Variants in KCNAB1 observed in about 807,000 individuals in gnomAD.
The protein encoded by KCNAB1 is potassium voltage-gated channel subfamily A regulatory beta subunit 1.
A neutral mutation model predicts 64.6 loss-of-function variants in KCNAB1; 35 were observed. That is an observed-to-expected ratio of 0.54 (90% confidence interval 0.41 to 0.72). The LOEUF (loss-of-function observed/expected upper bound fraction) is 0.72, where lower values mean the gene tolerates loss of function less well. Ranked by LOEUF, KCNAB1 falls within the 30% of genes least tolerant of loss-of-function variation. The pLI is 0.00. For missense variants in KCNAB1, 401 were observed against 512.9 expected (o/e 0.78, Z 2.11); for synonymous variants, 177 against 183.8 (o/e 0.96, Z 0.30).
chr3:156,146,435 C>T (rs1448232600), intron 1 of KCNAB1, among the ~76,000 whole-genome samples: 1 of 152,140 alleles, frequency 6.6e-6, no homozygotes, highest in African/African-American at 2.4e-5. Flanking sequence ...GGTTAAAATA[C>T]ACTGAGGAGT....
At chr3:156,237,451 T>C (rs1348361862) in intron 1 of KCNAB1, among the ~76,000 whole-genome samples, 1 of 152,172 alleles carries the variant, frequency 6.6e-6, no homozygotes, top group African/African-American at 2.4e-5. Context: ...AAGTTGCCTT[T>C]TTTTTTTGTT....
intron 8 of KCNAB1, among the ~76,000 whole-genome samples, chr3:156,497,371 A>G (rs565830611): frequency 2.8e-4 from 43 of 152,362 alleles, no homozygotes; most frequent in African/African-American, 9.4e-4. Flanking sequence ...AACTGGATTT[A>G]CCAGCAGAAA....
intron 1 of KCNAB1, among the ~76,000 whole-genome samples, chr3:156,203,189 G>A (rs1311625910): frequency 6.6e-6 from 1 of 152,190 alleles, no homozygotes. Context: ...ATCCATTAAT[G>A]TATTGCCTGT....
intron 1 of KCNAB1, among the ~76,000 whole-genome samples, chr3:156,345,064 AC>A (rs1237919069): frequency 6.6e-6 from 1 of 152,208 alleles, no homozygotes; most frequent in African/African-American, 2.4e-5. Context: ...ATTTACTTGT[AC>A]CTTAATTGCA....
At chr3:156,229,091 T>C (rs68058925) in intron 1 of KCNAB1, among the ~76,000 whole-genome samples, 17,173 of 152,176 alleles carry the variant, frequency 0.11, 1,221 homozygotes, top group Non-Finnish European at 0.16. Flanking sequence ...AGGGAGAGGT[T>C]TGAAACTCTG....
At chr3:156,174,221 T>C (rs1322450380) in intron 1 of KCNAB1, among the ~76,000 whole-genome samples, 3 of 152,222 alleles carry the variant, frequency 2.0e-5, no homozygotes, top group Non-Finnish European at 4.4e-5. Context: ...TTATCTCCAG[T>C]TTTACTCAAA....
At chr3:156,480,262 G>T (rs1714690884) in intron 8 of KCNAB1, among the ~76,000 whole-genome samples, 1 of 152,028 alleles carries the variant, frequency 6.6e-6, no homozygotes. Context: ...AATATTATCA[G>T]GGAGCTGTCC....
intron 1 of KCNAB1, among the ~76,000 whole-genome samples, chr3:156,233,115 T>TG (rs921853524): frequency 3.9e-5 from 6 of 152,176 alleles, no homozygotes; most frequent in Non-Finnish European, 4.4e-5. Flanking sequence ...TAGACACTTT[T>TG]GGGGCACAAA....
chr3:156,418,600 T>G (rs1375185724), intron 1 of KCNAB1, among the ~76,000 whole-genome samples: 1 of 152,210 alleles, frequency 6.6e-6, no homozygotes, highest in African/African-American at 2.4e-5. Context: ...TTTCATGCCC[T>G]GAATTGGAGG....
At chr3:156,135,610 AGAGAGATTGCT>A (rs1315695238) in intron 1 of KCNAB1, among the ~76,000 whole-genome samples, 2 of 152,248 alleles carry the variant, frequency 1.3e-5, no homozygotes, top group Non-Finnish European at 2.9e-5. Flanking sequence ...GAAGATGAAG[AGAGAGATTGCT>A]TGATTGGAAT....
chr3:156,138,755 C>T (rs566874034), intron 1 of KCNAB1, among the ~76,000 whole-genome samples: 1 of 152,246 alleles, frequency 6.6e-6, no homozygotes, highest in East Asian at 1.9e-4. Flanking sequence ...TAGAGATTAC[C>T]TAAGTCTGAG....
chr3:156,474,487 T>C (rs1714187686), intron 7 of KCNAB1, among the ~76,000 whole-genome samples: 1 of 152,238 alleles, frequency 6.6e-6, no homozygotes, highest in Non-Finnish European at 1.5e-5. Flanking sequence ...CATTCCTAAG[T>C]GTATATTTTC....
intron 10 of KCNAB1, 74 bp from the exon 11 acceptor site, chr3:156,516,196 A>G: frequency 5.1e-6 from 5 of 985,216 alleles, no homozygotes; most frequent in Non-Finnish European, 8.2e-6. Flanking sequence ...CTGTTTAAAC[A>G]CTACTGCCCC....
intron 8 of KCNAB1, among the ~76,000 whole-genome samples, chr3:156,484,724 A>T (rs1422905993): frequency 6.6e-6 from 1 of 152,106 alleles, no homozygotes; most frequent in Non-Finnish European, 1.5e-5. Flanking sequence ...GTGTCAGGGT[A>T]ATCGAAAATT....
Position 156,421,653 on chromosome 3 carries a change from G to C in KCNAB1, c.313G>C (p.Gly105Arg). 1 of 1,613,960 alleles carries C rather than the reference G, an allele frequency of 6.2e-7. No individual in the cohort carries two copies. The highest frequency in any genetic ancestry group is 8.5e-7 in the Non-Finnish European group (1 of 1,179,878). ...GKSGLRVSCL[G>R]LGTWVTFGGQ... The stretch of plus-strand genomic sequence containing the variant: ...ATCAGGACTCAGAGTTTCTTGCTTG[G>C]GTCTTGGTAAGTACTGAGGGTGTGA... Residue 105 changes from glycine to arginine, a missense_variant, in exon 2 of 14, where the codon GGT becomes CGT. Physicochemically the swap from Gly to Arg is moderately radical, Grantham distance 125. Transcript: ENST00000490337.
At chr3:156,183,209 G>T (rs1202430822) in intron 1 of KCNAB1, among the ~76,000 whole-genome samples, 1 of 152,090 alleles carries the variant, frequency 6.6e-6, no homozygotes, top group Non-Finnish European at 1.5e-5. Context: ...AGAGAACCCC[G>T]GGAGGGAGAC....
intron 1 of KCNAB1, among the ~76,000 whole-genome samples, chr3:156,181,510 G>A (rs1712815736): frequency 6.6e-6 from 1 of 152,194 alleles, no homozygotes; most frequent in Non-Finnish European, 1.5e-5. Flanking sequence ...AAACAATGAT[G>A]TGTTGGATTG....
At chr3:156,514,886 A>G (rs1717451801) in intron 9 of KCNAB1, among the ~76,000 whole-genome samples, 1 of 152,194 alleles carries the variant, frequency 6.6e-6, no homozygotes, top group Non-Finnish European at 1.5e-5. Context: ...ACTTAACTCA[A>G]TCCAAACCCT....
intron 7 of KCNAB1, among the ~76,000 whole-genome samples, chr3:156,473,525 T>G (rs1041899772): frequency 2.6e-5 from 4 of 152,128 alleles, no homozygotes; most frequent in African/African-American, 9.7e-5. Context: ...CACAGAAGGT[T>G]TATAGGAGAA....
Sources: allele counts gnomAD v4.1 joint callset (sites outside exome capture counted in the v4.1 genomes callset), GRCh38; gene constraint gnomAD v4.1.1; transcripts MANE v1.5; gene names NCBI Gene and HGNC (gene_info 2026-07-23, HGNC 2026-07-21).